The following SNX7 variants were observed in gnomAD, a reference collection of about 807,000 sequenced individuals.
SNX7 encodes the protein sorting nexin-7.
Under a neutral mutation model 48.4 loss-of-function variants are expected in SNX7, and 35 were observed. The observed-to-expected ratio is 0.72, with a 90% CI of 0.55 to 0.96. The LOEUF (loss-of-function observed/expected upper bound fraction) is 0.96. SNX7 is among the 40% of genes least tolerant of loss of function. SNX7 has a pLI of 0.00. For synonymous variants in SNX7, 190 were observed against 190.2 expected (o/e 1.00, Z 0.01); for missense variants, 553 against 548.9 (o/e 1.01, Z -0.07).
chr1:98,713,818 A>G (rs1652445492), intron 7 of SNX7, among the ~76,000 whole-genome samples: 1 of 152,230 alleles, frequency 6.6e-6, no homozygotes, highest in Non-Finnish European at 1.5e-5. Context: ...TTATATGGAC[A>G]CAATTCTGCC....
chr1:98,746,482 T>C (rs1465768343), intron 8 of SNX7, among the ~76,000 whole-genome samples: 1 of 152,110 alleles, frequency 6.6e-6, no homozygotes, highest in Non-Finnish European at 1.5e-5. Context: ...CACCTTTCTT[T>C]ATCCTCTCAC....
At position 98,715,987 on chromosome 1, in the gene SNX7, T is replaced by A. The variant is rs151039687; in HGVS notation, c.1125+14084T>A. ...TTACATATATATAAAAACAATGAAT[T>A]TACACCAGTGCCTCCAATTTTAATC... On this transcript the variant is annotated intron_variant, in intron 7 of 8. Coordinates refer to ENST00000306121, the MANE Select transcript of SNX7 (RefSeq NM_015976.5). 4.6e-5 allele frequency among the ~76,000 whole-genome samples: 7 copies of A among 152,226 alleles called. No homozygotes were observed. In the East Asian group the frequency reaches 1.2e-3, roughly 25 times the overall value.
At chr1:98,703,463 G>C (rs970506673) in intron 7 of SNX7, among the ~76,000 whole-genome samples, 1 of 152,050 alleles carries the variant, frequency 6.6e-6, no homozygotes, top group African/African-American at 2.4e-5. Flanking sequence ...AGTGGAATGT[G>C]AGTGGGGAGT....
intron 7 of SNX7, among the ~76,000 whole-genome samples, chr1:98,704,933 A>G (rs1651939140): frequency 6.6e-6 from 1 of 152,190 alleles, no homozygotes; most frequent in South Asian, 2.1e-4. Context: ...CAGTTATGTA[A>G]CATTCCAGAG....
intron 8 of SNX7, among the ~76,000 whole-genome samples, chr1:98,758,956 T>G (rs1654989009): frequency 6.6e-6 from 1 of 151,958 alleles, no homozygotes; most frequent in Non-Finnish European, 1.5e-5. Context: ...CACACATAAG[T>G]ATATACATAC....
chr1:98,662,115 G>T (rs1230538386), intron 1 of SNX7: 2 of 422,870 alleles, frequency 4.7e-6, no homozygotes, highest in Non-Finnish European at 7.9e-6. Flanking sequence ...GCCTCAAACC[G>T]CAGCCGCTCC....
chr1:98,705,427 G>A (rs1651960492), intron 7 of SNX7, among the ~76,000 whole-genome samples: 1 of 152,132 alleles, frequency 6.6e-6, no homozygotes, highest in Non-Finnish European at 1.5e-5. Flanking sequence ...ATAGGTTGAG[G>A]AAATTATTAG....
At chr1:98,695,419 T>G in intron 4 of SNX7, 99 bp from the exon 5 acceptor site, 1 of 1,168,780 alleles carries the variant, frequency 8.6e-7, no homozygotes, top group Non-Finnish European at 1.2e-6. Flanking sequence ...ATGAAACCAT[T>G]TTATCTTGAT....
In SNX7 at chr1:98,745,980, T is replaced by C. The variant is rs565251042; in HGVS notation, c.1278+7591T>C. Among the ~76,000 whole-genome samples, 6 of 152,196 alleles carry C rather than the reference T, an allele frequency of 3.9e-5. No homozygotes were observed. The East Asian group carries it at 1.2e-3, about 29-fold the overall frequency. ...TCCTTTTAACCAAATATGTCACTTT[T>C]TTGTTGAGCAATCAGTTCTTTTTTC... On this transcript the variant is annotated intron_variant, in intron 8 of 8. Coordinates refer to ENST00000306121, the MANE Select transcript of SNX7 (RefSeq NM_015976.5).
intron 1 of SNX7, among the ~76,000 whole-genome samples, chr1:98,675,417 C>T (rs1436195017): frequency 6.6e-6 from 1 of 152,050 alleles, no homozygotes; most frequent in Non-Finnish European, 1.5e-5. Flanking sequence ...AAATTTCAGC[C>T]TGTAATTTTC....
At chr1:98,699,138 C>T (rs566742571) in intron 6 of SNX7, among the ~76,000 whole-genome samples, 21 of 152,222 alleles carry the variant, frequency 1.4e-4, no homozygotes, top group Admixed American at 2.6e-4. Context: ...TCAGATTATA[C>T]GTAGACTTGA....
At chr1:98,669,396 A>G (rs559045356) in intron 1 of SNX7, among the ~76,000 whole-genome samples, 1 of 152,118 alleles carries the variant, frequency 6.6e-6, no homozygotes, top group Non-Finnish European at 1.5e-5. Context: ...CCCCCATTCT[A>G]TGTGTTCCCA....
At chr1:98,718,892 A>G (rs974835780) in intron 7 of SNX7, among the ~76,000 whole-genome samples, 1 of 152,280 alleles carries the variant, frequency 6.6e-6, no homozygotes, top group East Asian at 1.9e-4. Context: ...TTACAGCTAC[A>G]TGATATCCCA....
At chr1:98,756,148 A>G (rs568348372) in intron 8 of SNX7, among the ~76,000 whole-genome samples, 3 of 152,054 alleles carry the variant, frequency 2.0e-5, no homozygotes, top group Admixed American at 1.3e-4. Flanking sequence ...TAAATTTATC[A>G]TAGTCTACCT....
intron 1 of SNX7, among the ~76,000 whole-genome samples, chr1:98,667,294 A>G (rs918779327): frequency 2.0e-5 from 3 of 152,380 alleles, no homozygotes; most frequent in East Asian, 3.9e-4. Context: ...TGGGATAAAT[A>G]TGAAGTTCTG....
intron 4 of SNX7, among the ~76,000 whole-genome samples, chr1:98,692,478 A>G (rs1651193569): frequency 6.6e-6 from 1 of 152,130 alleles, no homozygotes; most frequent in African/African-American, 2.4e-5. Flanking sequence ...GAACATTTCC[A>G]GCATCACTAG....
At chr1:98,691,812 G>A in intron 4 of SNX7, 113 bp downstream of exon 4, 1 of 876,524 alleles carries the variant, frequency 1.1e-6, no homozygotes, top group Non-Finnish European at 1.6e-6. Flanking sequence ...CTTGAATTGA[G>A]ATGGAATTTT....
At chr1:98,685,687 A>G (rs1235066443) in intron 2 of SNX7, among the ~76,000 whole-genome samples, 3 of 152,132 alleles carry the variant, frequency 2.0e-5, no homozygotes, top group Non-Finnish European at 4.4e-5. Context: ...TCTCTTTATA[A>G]TATTTTGTTT....
intron 7 of SNX7, among the ~76,000 whole-genome samples, chr1:98,726,911 T>C (rs952386553): frequency 3.9e-4 from 59 of 152,140 alleles, no homozygotes; most frequent in South Asian, 1.2e-3. Context: ...AATAGGCACT[T>C]AAAAATAAAG....
Sources: allele counts gnomAD v4.1 joint callset (sites outside exome capture counted in the v4.1 genomes callset), GRCh38; gene constraint gnomAD v4.1.1; transcripts MANE v1.5; gene names NCBI Gene and HGNC (gene_info 2026-07-23, HGNC 2026-07-21).